ITFG1: variants seen among roughly 807,000 people sequenced by gnomAD.
ITFG1 encodes the protein integrin alpha FG-GAP repeat containing 1, also known as T-cell immunomodulatory protein.
A neutral mutation model predicts 81.8 loss-of-function variants in ITFG1; 34 were observed. The ratio of observed to expected loss-of-function variants is 0.42; its 90% CI spans 0.32 to 0.55. The LOEUF is 0.55. Among genes scored for constraint, ITFG1 ranks in the 20% least tolerant of loss-of-function variants. The probability of loss-of-function intolerance (pLI) is 0.17; values close to 1 mark genes in which losing one functional copy is unlikely to be tolerated. For missense variants in ITFG1, 672 were observed against 755.4 expected (o/e 0.89, Z 1.29); for synonymous variants, 285 against 270.6 (o/e 1.05, Z -0.52).
chr16:47,238,428 C>T (rs1293612301), intron 12 of ITFG1: 1 of 153,438 alleles, frequency 6.5e-6, no homozygotes, highest in East Asian at 1.9e-4. Context: ...AGACTTTTTT[C>T]ATTCATGTAA....
intron 14 of ITFG1, among the ~76,000 whole-genome samples, chr16:47,179,341 T>C (rs939717526): frequency 3.3e-5 from 5 of 152,172 alleles, no homozygotes; most frequent in African/African-American, 1.2e-4. Flanking sequence ...TGTCCATCAA[T>C]GATAGATTGG....
chr16:47,219,314 C>T (rs1965663072), intron 13 of ITFG1, among the ~76,000 whole-genome samples: 1 of 152,016 alleles, frequency 6.6e-6, no homozygotes, highest in East Asian at 1.9e-4. Context: ...ACTAAAATAT[C>T]AACATAAATA....
chr16:47,227,670 G>C (rs1007515356), intron 13 of ITFG1, among the ~76,000 whole-genome samples: 1 of 152,100 alleles, frequency 6.6e-6, no homozygotes, highest in Admixed American at 6.5e-5. Flanking sequence ...ATTACCTAGG[G>C]TTTGTTTCAA....
chr16:47,227,232 T>C (rs1046670299), intron 13 of ITFG1, among the ~76,000 whole-genome samples: 2 of 152,214 alleles, frequency 1.3e-5, no homozygotes, highest in African/African-American at 2.4e-5. Context: ...GTTATGCTCA[T>C]AGAAAATGCC....
chr16:47,315,768 CAT>C (rs546244760), intron 8 of ITFG1, among the ~76,000 whole-genome samples: 3 of 144,464 alleles, frequency 2.1e-5, no homozygotes, highest in African/African-American at 8.6e-5. Flanking sequence ...TTCTAAATGC[CAT>C]ATATATATAC....
At chr16:47,182,165 C>G (rs994451630) in intron 14 of ITFG1, among the ~76,000 whole-genome samples, 41 of 148,582 alleles carry the variant, frequency 2.8e-4, no homozygotes, top group African/African-American at 9.7e-4. Flanking sequence ...GAGAAACATC[C>G]AAGAATGATC....
chr16:47,284,246 T>C (rs1396054718), intron 10 of ITFG1, among the ~76,000 whole-genome samples: 2 of 152,112 alleles, frequency 1.3e-5, no homozygotes, highest in African/African-American at 4.8e-5. Context: ...TGTATTTACC[T>C]CCACAAAGTT....
intron 4 of ITFG1, among the ~76,000 whole-genome samples, chr16:47,452,517 G>A (rs1284506213): frequency 2.0e-5 from 3 of 152,082 alleles, no homozygotes; most frequent in Non-Finnish European, 4.4e-5. Flanking sequence ...CATTTGAAGC[G>A]ACTGAAATAA....
chr16:47,337,824 T>C (rs754033006), intron 8 of ITFG1, among the ~76,000 whole-genome samples: 32 of 152,206 alleles, frequency 2.1e-4, no homozygotes, highest in Non-Finnish European at 4.3e-4. Context: ...GAAAGGGACC[T>C]GAGAAGACCC....
chr16:47,273,592 A>T (rs994907591), intron 10 of ITFG1, among the ~76,000 whole-genome samples: 1 of 152,112 alleles, frequency 6.6e-6, no homozygotes, highest in Non-Finnish European at 1.5e-5. Context: ...AGGATATGTG[A>T]CTCAGTGGGG....
chr16:47,263,182 T>C (rs985122559), intron 10 of ITFG1: 2 of 302,342 alleles, frequency 6.6e-6, no homozygotes, highest in African/African-American at 4.5e-5. Flanking sequence ...ACATGATCTG[T>C]GGCTGGGATA....
chr16:47,232,559 T>C, intron 13 of ITFG1, among the ~76,000 whole-genome samples: 1 of 151,946 alleles, frequency 6.6e-6, no homozygotes, highest in Non-Finnish European at 1.5e-5. Flanking sequence ...GGTGGTGGTA[T>C]GGGTGAAATA....
chr16:47,420,652 CT>C, intron 6 of ITFG1, among the ~76,000 whole-genome samples: 1 of 152,190 alleles, frequency 6.6e-6, no homozygotes, highest in East Asian at 1.9e-4. Context: ...TAAAAAGAGA[CT>C]GGTACTTCCC....
intron 14 of ITFG1, among the ~76,000 whole-genome samples, chr16:47,194,961 C>T (rs1407094561): frequency 1.3e-5 from 2 of 152,064 alleles, no homozygotes; most frequent in Non-Finnish European, 2.9e-5. Context: ...TGTATATGTG[C>T]ACCATCCCCC....
chr16:47,272,807 T>G (rs1294124464), intron 10 of ITFG1, among the ~76,000 whole-genome samples: 1 of 151,758 alleles, frequency 6.6e-6, no homozygotes, highest in Non-Finnish European at 1.5e-5. Context: ...GCAGAACATT[T>G]CAACCTATTT....
At chr16:47,446,656 C>G (rs2151616960) in intron 5 of ITFG1, among the ~76,000 whole-genome samples, 1 of 152,148 alleles carries the variant, frequency 6.6e-6, no homozygotes, top group East Asian at 1.9e-4. Context: ...GCTTAGGCCT[C>G]CAGACTGATA....
rs1388438532 is a variant in ITFG1 at position 47,162,562 on chromosome 16, A to G, written c.1556T>C (p.Ile519Thr). 2 of 1,607,154 alleles carry G rather than the reference A, an allele frequency of 1.2e-6. No homozygotes were observed. Among genetic ancestry groups the G allele is most frequent in the African/African-American group, 2.7e-5 (2 of 74,720 alleles). The change falls in exon 15 of 18, where the codon ATT becomes ACT. Residue 519 changes from isoleucine (I) to threonine (T), a missense_variant. Ile to Thr is a moderately conservative substitution (Grantham distance 89). Around this residue, in one of 3 missense-constraint regions of ITFG1, gnomAD observed 560 missense variants for 625.7 expected, o/e 0.90. Coordinates refer to ENST00000320640, the MANE Select transcript of ITFG1 (RefSeq NM_030790.5). ...ANFLDHLYVG[I>T]PRPSGEKSIR... is the part of the protein sequence containing the mutation. Reference sequence around the variant, plus strand: ...CACTTTTTCTCCAGATGGACGGGGAATACCAACGTAGAGATGGTCAAGAAA... The same window carrying G: ...CACTTTTTCTCCAGATGGACGGGGAGTACCAACGTAGAGATGGTCAAGAAA...
intron 10 of ITFG1, among the ~76,000 whole-genome samples, chr16:47,292,240 CT>C (rs1427399417): frequency 6.6e-6 from 1 of 152,166 alleles, no homozygotes; most frequent in Non-Finnish European, 1.5e-5. Flanking sequence ...TCTAGAACTC[CT>C]GACCTCGTGA....
intron 2 of ITFG1, among the ~76,000 whole-genome samples, chr16:47,454,726 A>G (rs1053339421): frequency 6.6e-6 from 1 of 152,066 alleles, no homozygotes; most frequent in African/African-American, 2.4e-5. Context: ...CTTTATATGT[A>G]TATTTTTATT....
Sources: allele counts gnomAD v4.1 joint callset (sites outside exome capture counted in the v4.1 genomes callset), GRCh38; gene constraint gnomAD v4.1.1; regional missense constraint gnomAD v4.1.1; transcripts MANE v1.5; gene names NCBI Gene and HGNC (gene_info 2026-07-23, HGNC 2026-07-21).